Variants in STARD6 observed in about 807,000 individuals in gnomAD.
STARD6 encodes the protein stAR-related lipid transfer protein 6.
A neutral mutation model predicts 22.3 loss-of-function variants in STARD6; 21 were observed. The ratio of observed to expected loss-of-function variants is 0.94; its 90% CI spans 0.67 to 1.35. STARD6 has a LOEUF of 1.35. Among genes scored for constraint, STARD6 ranks in the 40% most tolerant of loss-of-function variants. The pLI is 0.00. For missense variants in STARD6, 269 were observed against 266.9 expected, an observed-to-expected ratio of 1.01 and a Z score of -0.05; for synonymous variants, 80 against 88.1, an observed-to-expected ratio of 0.91 and a Z score of 0.52.
chr18:54,325,167 C>T (rs1478619443), intron 7 of STARD6, among the ~76,000 whole-genome samples: 1 of 152,014 alleles, frequency 6.6e-6, no homozygotes, highest in Non-Finnish European at 1.5e-5. Flanking sequence ...TCCCTCATTT[C>T]CCTTATCCTG....
At chr18:54,339,043 TCAAAA>T (rs1486422217) in intron 4 of STARD6, among the ~76,000 whole-genome samples, 1 of 14,126 alleles carries the variant, frequency 7.1e-5, no homozygotes, top group African/African-American at 2.0e-4. Context: ...TGAGACTCCA[TCAAAA>T]AAAAAAAAAA....
At chr18:54,331,880 A>G (rs1031506308) in intron 5 of STARD6, 21 bp from the exon 6 acceptor site, 6 of 1,503,572 alleles carry the variant, frequency 4.0e-6, no homozygotes, top group African/African-American at 1.4e-5. Flanking sequence ...TCAAACCGTA[A>G]AGATAACAAA....
intron 4 of STARD6, among the ~76,000 whole-genome samples, chr18:54,342,457 C>CCCTCTCCCTCTG (rs2088979982): frequency 7.7e-6 from 1 of 129,236 alleles, no homozygotes; most frequent in Non-Finnish European, 1.7e-5. Flanking sequence ...CTCTCCCTCT[C>CCCTCTCCCTCTG]CCTCTCCCTC....
At chr18:54,332,712 CT>C (rs2088875145) in intron 5 of STARD6, among the ~76,000 whole-genome samples, 1 of 152,190 alleles carries the variant, frequency 6.6e-6, no homozygotes, top group Non-Finnish European at 1.5e-5. Flanking sequence ...GTGGGAATCT[CT>C]CCCTCACCAG....
chr18:54,335,164 GTGGTTATTTATT>G (rs2088896825), intron 5 of STARD6, among the ~76,000 whole-genome samples: 1 of 144,028 alleles, frequency 6.9e-6, no homozygotes, highest in South Asian at 2.2e-4. Context: ...ATCCCTCCAG[GTGGTTATTTATT>G]TATTTATTTA....
At position 54,338,531 on chromosome 18, in the gene STARD6, C is replaced by A. The variant is rs527498959; in HGVS notation, c.141-1280G>T. ...CACAGAATTAGTCCAGCCAAATCACCAAACAGATGAACAAATGACCAAACA... is the reference window on the plus strand; with the variant it reads ...CACAGAATTAGTCCAGCCAAATCACAAAACAGATGAACAAATGACCAAACA... On this transcript the variant is annotated intron_variant, in intron 4 of 7. Transcript: ENST00000307844. Among the ~76,000 whole-genome samples the A allele has an allele frequency of 5.1e-4, 78 of 152,086 alleles. 1 individual carries two copies. The South Asian group carries it at 0.016, about 31-fold the overall frequency.
intron 4 of STARD6, among the ~76,000 whole-genome samples, chr18:54,342,497 C>T (rs1051726779): frequency 7.6e-6 from 1 of 131,228 alleles, no homozygotes; most frequent in African/African-American, 3.0e-5. Context: ...GTCTCCCTCT[C>T]CCCACGGTCT....
chr18:54,337,224 T>C lies in STARD6; in HGVS notation c.168A>G (p.Glu56=). ...NLYRVEGIIP[E]SPAKLSDFLY... ...GGAAATCAGATAGTTTAGCTGGTGA[T>C]TCTGGAATTATCCCTTCAACACGAT... Residue 56 remains glutamate, a synonymous_variant, in exon 5 of 8, where the codon GAA becomes GAG. Transcript: ENST00000307844. 1 of 1,613,422 alleles carries C rather than the reference T, an allele frequency of 6.2e-7. No homozygotes were observed. The highest frequency in any genetic ancestry group is 1.1e-5 in the South Asian group (1 of 91,000).
Position 54,337,271 on chromosome 18 carries a change from G to T in STARD6, c.141-20C>A. On this transcript the variant is annotated intron_variant, in intron 4 of 7. Coordinates refer to ENST00000307844, the MANE Select transcript of STARD6 (RefSeq NM_139171.2). The stretch of plus-strand genomic sequence containing the variant: ...CGATATCTACAGTTAACAAAATAAA[G>T]AAAATTCAAAGCTTAAAAAGTTTAG... 3 of 1,601,298 alleles carry T rather than the reference G, an allele frequency of 1.9e-6. No individual in the cohort carries two copies. The highest frequency in any genetic ancestry group is 2.6e-6 in the Non-Finnish European group (3 of 1,175,018).
intron 4 of STARD6, among the ~76,000 whole-genome samples, chr18:54,352,765 C>T (rs1024702320): frequency 6.6e-6 from 1 of 152,166 alleles, no homozygotes; most frequent in Non-Finnish European, 1.5e-5. Flanking sequence ...AACAGCTTAA[C>T]AGAACCTATT....
rs761448351 is a variant in STARD6 at position 54,331,705 on chromosome 18, A to C, written c.385+37T>G. 6.6e-6 allele frequency: 9 copies of C among 1,358,852 alleles called. No homozygotes were observed. The South Asian group carries it at 1.2e-4, about 18-fold the overall frequency. 84.2% of individuals were successfully genotyped at this position (1,358,852 alleles called of 1,614,324 possible). A position where few individuals can be genotyped will look rare whatever the true frequency, so the allele number is the denominator to read the frequency against. ...GGGAAAACATTTATTAATGGCTCGCAGTAATTCCAAGATATGGGCAAAATG... is the reference window on the plus strand; with the variant it reads ...GGGAAAACATTTATTAATGGCTCGCCGTAATTCCAAGATATGGGCAAAATG... On this transcript the variant is annotated intron_variant, in intron 6 of 7. Transcript: ENST00000307844.
At chr18:54,330,698 CGTG>C (rs2088858565) in intron 6 of STARD6, among the ~76,000 whole-genome samples, 2 of 152,070 alleles carry the variant, frequency 1.3e-5, no homozygotes, top group South Asian at 4.1e-4. Flanking sequence ...TTGTGCACCA[CGTG>C]GTTGATTACC....
chr18:54,344,583 TA>T (rs55736082), intron 4 of STARD6, among the ~76,000 whole-genome samples: 1,424 of 94,044 alleles, frequency 0.015, 41 homozygotes, highest in East Asian at 0.054. Flanking sequence ...AAAAATAAAT[TA>T]AAAAAAAAAA....
At position 54,324,895 on chromosome 18, in the gene STARD6, TA is replaced by T. The variant is rs746999376; in HGVS notation, c.480-21del. ...GGGTTTCTGTAAGCAAAAGAAGAGT[TA>T]AAAAAAGATAAGAAATTTTTAGATT... On this transcript the variant is annotated intron_variant, in intron 7 of 7. Transcript: ENST00000307844. The T allele has an allele frequency of 1.1e-5, 16 of 1,478,072 alleles. No individual in the cohort carries two copies. The African/African-American group carries it at 1.7e-4, about 16-fold the overall frequency. The allele number at this position is 1,478,072 out of a possible 1,614,324, so 91.6% of individuals were successfully genotyped here. A position where few individuals can be genotyped will look rare whatever the true frequency, so the allele number is the denominator to read the frequency against.
Position 54,353,317 on chromosome 18 carries a change from T to A in STARD6, c.140+737A>T, listed in dbSNP as rs534260865. On this transcript the variant is annotated intron_variant, in intron 4 of 7. Coordinates refer to ENST00000307844, the MANE Select transcript of STARD6 (RefSeq NM_139171.2). Reference sequence around the variant, plus strand: ...TCCCTTAGTGTACTTGTATTTGAAATAATTTTATCCTTAAAAGTATATTTA... The same window carrying A: ...TCCCTTAGTGTACTTGTATTTGAAAAAATTTTATCCTTAAAAGTATATTTA... Among the ~76,000 whole-genome samples the A allele has an allele frequency of 3.9e-5, 6 of 152,282 alleles. No individual in the cohort carries two copies. In the South Asian group the frequency reaches 1.0e-3, roughly 26 times the overall value.
chr18:54,341,280 C>T (rs1568170765), intron 4 of STARD6, among the ~76,000 whole-genome samples: 1 of 152,116 alleles, frequency 6.6e-6, no homozygotes, highest in African/African-American at 2.4e-5. Context: ...AGGATGGTCT[C>T]GATCTCCCGA....
At chr18:54,331,538 G>A (rs1247525766) in intron 6 of STARD6, among the ~76,000 whole-genome samples, 1 of 152,160 alleles carries the variant, frequency 6.6e-6, no homozygotes, top group African/African-American at 2.4e-5. Context: ...TCTAAGAGAT[G>A]TTGCAAATAT....
chr18:54,356,001 A>G (rs770655219), intron 2 of STARD6, among the ~76,000 whole-genome samples: 3 of 152,236 alleles, frequency 2.0e-5, no homozygotes, highest in Non-Finnish European at 2.9e-5. Flanking sequence ...CCGAATCATT[A>G]TAAGGATTAG....
At position 54,337,125 on chromosome 18, in the gene STARD6, C is replaced by A; in HGVS notation, c.267G>T (p.Ser89=). The change falls in exon 5 of 8, where the codon TCG becomes TCT. Residue 89 remains serine (S), a splice_region_variant and synonymous_variant. Transcript: ENST00000307844. Reference sequence around the variant, plus strand: ...AGTCCAGTATTAAACAACAAATTACCGAATCAATCCTGTGTACCATATTAT... The same window carrying A: ...AGTCCAGTATTAAACAACAAATTACAGAATCAATCCTGTGTACCATATTAT... ...QVYNMVHRID[S]DTFICHTITQ... 1.2e-6 allele frequency: 2 copies of A among 1,601,992 alleles called. No homozygotes were observed. Among genetic ancestry groups the A allele is most frequent in the Non-Finnish European group, 8.5e-7 (1 of 1,174,744 alleles).
Sources: gnomAD v4.1 joint callset for allele counts (sites outside exome capture counted in the v4.1 genomes callset) on GRCh38, gnomAD v4.1.1 for gene constraint, MANE v1.5 for transcripts, NCBI Gene and HGNC (gene_info 2026-07-23, HGNC 2026-07-21) for gene names.